CLIC5: variants seen among roughly 807,000 people sequenced by gnomAD.
The protein encoded by CLIC5 is CLIC family member 5.
A neutral mutation model predicts 24.7 loss-of-function variants in CLIC5; 20 were observed. That is an observed-to-expected ratio of 0.81 (90% CI 0.57 to 1.18). The LOEUF (loss-of-function observed/expected upper bound fraction) is 1.18. Among genes scored for constraint, CLIC5 ranks in the 50% most tolerant of loss-of-function variants. The probability of loss-of-function intolerance (pLI) is 0.00; values close to 1 mark genes in which losing one functional copy is unlikely to be tolerated. For missense variants in CLIC5, 341 were observed against 326.1 expected (o/e 1.05, Z -0.35); for synonymous variants, 159 against 135.6 (o/e 1.17, Z -1.20).
chr6:46,075,346 T>A (rs1213884736), intron 1 of CLIC5, among the ~76,000 whole-genome samples: 2 of 152,008 alleles, frequency 1.3e-5, no homozygotes, highest in Non-Finnish European at 2.9e-5. Context: ...GGTGGGAGAA[T>A]CACTTGAGCC....
In CLIC5 at chr6:45,888,143, T is replaced by G. The variant is rs1222844018; in HGVS notation, c.624-6955A>C. 3.9e-5 allele frequency among the ~76,000 whole-genome samples: 6 copies of G among 152,300 alleles called. No homozygotes were observed. In the East Asian group the frequency reaches 1.2e-3, roughly 29 times the overall value. Reference sequence around the variant, plus strand: ...GAGAGCAGCTTCACAGCCTGCCCCTTCCCTGGGGTGGGGGGGATTTCCTGT... The same window carrying G: ...GAGAGCAGCTTCACAGCCTGCCCCTGCCCTGGGGTGGGGGGGATTTCCTGT... On this transcript the variant is annotated intron_variant, in intron 6 of 6. Transcript: ENST00000644324.
Position 45,976,845 on chromosome 6 carries a change from T to A in CLIC5, c.64-21601A>T, listed in dbSNP as rs368663057. Among the ~76,000 whole-genome samples, 6 of 152,302 alleles carry A rather than the reference T, an allele frequency of 3.9e-5. No individual in the cohort carries two copies. In the East Asian group the frequency reaches 7.7e-4, roughly 20 times the overall value. On this transcript the variant is annotated intron_variant, in intron 1 of 5. Transcript: ENST00000339561. Reference sequence around the variant, plus strand: ...ACTAGAATAGACAAAAGGCAGCTTGTCGGAAAATAACACTAACAACAACAA... The same window carrying A: ...ACTAGAATAGACAAAAGGCAGCTTGACGGAAAATAACACTAACAACAACAA...
chr6:45,942,977 C>A (rs1764183035), intron 3 of CLIC5, among the ~76,000 whole-genome samples: 1 of 152,194 alleles, frequency 6.6e-6, no homozygotes, highest in Non-Finnish European at 1.5e-5. Flanking sequence ...GTGTCCTTCC[C>A]CCTCCACTGC....
intron 6 of CLIC5, among the ~76,000 whole-genome samples, chr6:45,891,674 T>C (rs1762348698): frequency 6.6e-6 from 1 of 150,830 alleles, no homozygotes; most frequent in African/African-American, 2.4e-5. Context: ...ATATGATGCA[T>C]GTGTAAGTGT....
intron 1 of CLIC5, among the ~76,000 whole-genome samples, chr6:45,974,308 G>A (rs1176537674): frequency 6.6e-6 from 1 of 151,750 alleles, no homozygotes; most frequent in Non-Finnish European, 1.5e-5. Flanking sequence ...AGAGTCAAAT[G>A]AGACCATGTG....
Position 45,899,454 on chromosome 6 carries a change from C to T in CLIC5, c.*3634G>A, listed in dbSNP as rs373797751. ...GAGTCACAGAAGTACTTACCAAATA[C>T]TCACCTGCTGCTTCTAGTTTAATTT... On this transcript the variant is annotated 3_prime_UTR_variant, in exon 6 of 6. Transcript: ENST00000339561. 6.6e-6 allele frequency: 1 copy of T among 152,396 alleles called. No homozygotes were observed. Among genetic ancestry groups the T allele is most frequent in the South Asian group, 2.1e-4 (1 of 4,830 alleles). The allele number at this position is 152,396 out of a possible 1,614,324, so 9.4% of individuals were successfully genotyped here.
chr6:45,924,872 A>AAG (rs1763415753), intron 4 of CLIC5, among the ~76,000 whole-genome samples: 1 of 152,192 alleles, frequency 6.6e-6, no homozygotes, highest in African/African-American at 2.4e-5. Flanking sequence ...GTTCTGGCTA[A>AAG]AGAGATATCG....
At chr6:46,091,986 C>T in the CLIC5 span, among the ~76,000 whole-genome samples, 1 of 152,170 alleles carries the variant, frequency 6.6e-6, no homozygotes, top group Admixed American at 6.5e-5. Context: ...AGTGGGCAAG[C>T]GTCCCCTTTT....
At chr6:46,035,063 A>G (rs957519012) in intron 1 of CLIC5, among the ~76,000 whole-genome samples, 1 of 152,220 alleles carries the variant, frequency 6.6e-6, no homozygotes, top group South Asian at 2.1e-4. Flanking sequence ...TACCCATATT[A>G]TCTTACTTTA....
chr6:45,968,092 T>A (rs1408626989), intron 1 of CLIC5, among the ~76,000 whole-genome samples: 1 of 152,134 alleles, frequency 6.6e-6, no homozygotes, highest in Non-Finnish European at 1.5e-5. Flanking sequence ...CTTCCTCCAT[T>A]CTGAGGACCC....
At chr6:46,083,116 A>G (rs928143912), upstream of CLIC5, among the ~76,000 whole-genome samples, 1 of 152,284 alleles carries the variant, frequency 6.6e-6, no homozygotes, top group African/African-American at 2.4e-5. Flanking sequence ...ATATAGCTAA[A>G]GTCTAGCAGA....
intron 5 of CLIC5, chr6:45,912,812 G>C: frequency 1.9e-6 from 2 of 1,066,404 alleles, no homozygotes; most frequent in Non-Finnish European, 2.8e-6. Flanking sequence ...ACATAGATTG[G>C]CTGGACCTAC....
chr6:46,038,676 A>G (rs1345150358), intron 1 of CLIC5, among the ~76,000 whole-genome samples: 1 of 152,158 alleles, frequency 6.6e-6, no homozygotes, highest in Non-Finnish European at 1.5e-5. Context: ...ATGAAAACCC[A>G]CGTGTCTGGA....
At chr6:46,009,619 G>A (rs1007169176) in intron 1 of CLIC5, among the ~76,000 whole-genome samples, 5 of 152,158 alleles carry the variant, frequency 3.3e-5, no homozygotes, top group South Asian at 4.1e-4. Context: ...GAGAGCCTAC[G>A]ACATTTTCCC....
At chr6:45,985,590 G>A (rs1013690514) in intron 1 of CLIC5, among the ~76,000 whole-genome samples, 1 of 152,008 alleles carries the variant, frequency 6.6e-6, no homozygotes, top group South Asian at 2.1e-4. Flanking sequence ...GGGGCCTGGA[G>A]GCTGACAGTG....
At chr6:46,087,526 C>T in the CLIC5 span, among the ~76,000 whole-genome samples, 5 of 152,052 alleles carry the variant, frequency 3.3e-5, no homozygotes, top group Admixed American at 3.3e-4. Flanking sequence ...GACCCAACCC[C>T]AGCACCTGAC....
intron 5 of CLIC5, among the ~76,000 whole-genome samples, chr6:45,909,684 C>T: frequency 6.6e-6 from 1 of 152,298 alleles, no homozygotes; most frequent in Non-Finnish European, 1.5e-5. Context: ...GTGTTCTGAC[C>T]TTTTTCTCTA....
intron 6 of CLIC5, among the ~76,000 whole-genome samples, chr6:45,883,563 A>G (rs1762280527): frequency 6.6e-6 from 1 of 152,218 alleles, no homozygotes; most frequent in Non-Finnish European, 1.5e-5. Context: ...CAATCAAGGC[A>G]CATTTACTAA....
chr6:45,965,858 T>C (rs1765000384), intron 1 of CLIC5, among the ~76,000 whole-genome samples: 5 of 152,174 alleles, frequency 3.3e-5, no homozygotes, highest in Admixed American at 3.3e-4. Context: ...GTGAATCCAT[T>C]CCCCCTATAT....
Sources: gnomAD v4.1 joint callset for allele counts (sites outside exome capture counted in the v4.1 genomes callset) on GRCh38, gnomAD v4.1.1 for gene constraint, MANE v1.5 for transcripts, NCBI Gene and HGNC (gene_info 2026-07-23, HGNC 2026-07-21) for gene names.